The following PHC2 variants were observed in gnomAD, a reference collection of about 807,000 sequenced individuals.
PHC2 encodes polyhomeotic-like protein 2.
In PHC2, 29 loss-of-function variants were observed where a neutral mutation model predicts 87.4. The ratio of observed to expected loss-of-function variants is 0.33; its 90% CI spans 0.25 to 0.45. The LOEUF (loss-of-function observed/expected upper bound fraction) is 0.45, where lower values mean the gene tolerates loss of function less well. PHC2 is among the 20% of genes least tolerant of loss of function. The pLI, the probability that PHC2 is intolerant of heterozygous loss-of-function variation, is 1.00. For missense variants in PHC2, 857 were observed against 1,136.7 expected (o/e 0.75, Z 3.54); for synonymous variants, 438 against 461.7 (o/e 0.95, Z 0.66).
chr1:33,328,722 G>A, intron 14 of PHC2, 148 bp downstream of exon 14: 1 of 656,900 alleles, frequency 1.5e-6, no homozygotes, highest in Non-Finnish European at 2.6e-6. Context: ...GCTCTTATAG[G>A]CAGGGAGCTC....
At chr1:33,425,924 A>G (rs934853648) in intron 1 of PHC2, among the ~76,000 whole-genome samples, 35 of 152,224 alleles carry the variant, frequency 2.3e-4, no homozygotes, top group Non-Finnish European at 1.0e-4. Context: ...TGAGACAGGT[A>G]ATGGGAGGAG....
At chr1:33,424,417 C>T (rs753701983) in intron 1 of PHC2, among the ~76,000 whole-genome samples, 3 of 152,148 alleles carry the variant, frequency 2.0e-5, no homozygotes, top group African/African-American at 7.2e-5. Context: ...AAAATTCCTG[C>T]GAGGTTCTCT....
intron 1 of PHC2, among the ~76,000 whole-genome samples, chr1:33,376,959 T>G (rs1648216929): frequency 2.0e-5 from 3 of 152,194 alleles, no homozygotes; most frequent in East Asian, 1.9e-4. Context: ...AGTTTAGTTT[T>G]CAAAGCCAGA....
rs933441322 is a variant in PHC2 at position 33,341,529 on chromosome 1, G to A, written c.1559-7237C>T. Among the ~76,000 whole-genome samples, 7 of 152,298 alleles carry A rather than the reference G, an allele frequency of 4.6e-5. No homozygotes were observed. In the South Asian group the frequency reaches 6.2e-4, roughly 14 times the overall value. ...AGGATCCCTGAATCTAGTTAATCAG[G>A]ACGCACAAGCTGGATTCAATATCTG... On this transcript the variant is annotated intron_variant, in intron 9 of 14. Coordinates refer to ENST00000683057, the MANE Select transcript of PHC2 (RefSeq NM_001385109.1).
intron 9 of PHC2, chr1:33,347,662 C>G (rs531818610): frequency 2.0e-6 from 2 of 985,410 alleles, no homozygotes; most frequent in African/African-American, 3.5e-5. Context: ...GAAACTACCC[C>G]CTTTCTCAAG....
At chr1:33,413,528 C>T (rs1323242189) in intron 1 of PHC2, among the ~76,000 whole-genome samples, 1 of 152,178 alleles carries the variant, frequency 6.6e-6, no homozygotes, top group Non-Finnish European at 1.5e-5. Context: ...TATTCAGGCC[C>T]AGCTAGTAAA....
At chr1:33,407,777 A>C (rs1649822987) in intron 1 of PHC2, among the ~76,000 whole-genome samples, 1 of 152,232 alleles carries the variant, frequency 6.6e-6, no homozygotes, top group African/African-American at 2.4e-5. Context: ...TTTTATTTAA[A>C]AACAATTGCA....
intron 8 of PHC2, 22 bp from the exon 9 acceptor site, chr1:33,354,588 A>AG (rs1647033441): frequency 6.2e-7 from 1 of 1,601,792 alleles, no homozygotes; most frequent in Non-Finnish European, 8.5e-7. Flanking sequence ...CAGGACAGAG[A>AG]GGGGGGCCTC....
At chr1:33,426,883 T>C (rs966234451) in intron 1 of PHC2, among the ~76,000 whole-genome samples, 34 of 152,110 alleles carry the variant, frequency 2.2e-4, no homozygotes, top group Non-Finnish European at 1.9e-4. Flanking sequence ...TGGGGCCTGG[T>C]GCAAAATGAA....
intron 1 of PHC2, among the ~76,000 whole-genome samples, chr1:33,427,165 G>A (rs1273744665): frequency 1.3e-5 from 2 of 152,206 alleles, no homozygotes; most frequent in Non-Finnish European, 2.9e-5. Flanking sequence ...AAGAGGTTGT[G>A]TGGTTATAAT....
intron 9 of PHC2, among the ~76,000 whole-genome samples, chr1:33,351,094 G>C (rs1020734136): frequency 3.3e-5 from 5 of 152,182 alleles, no homozygotes; most frequent in Non-Finnish European, 7.3e-5. Context: ...AGGGACCAGA[G>C]AGTAAATATT....
intron 1 of PHC2, among the ~76,000 whole-genome samples, chr1:33,405,407 T>C (rs1356654329): frequency 6.6e-6 from 1 of 152,216 alleles, no homozygotes; most frequent in East Asian, 1.9e-4. Context: ...GCCAGGTAGG[T>C]CTTGAATTCC....
At position 33,349,604 on chromosome 1, in the gene PHC2, G is replaced by C. The variant is rs1313106249; in HGVS notation, c.1558+4797C>G. The stretch of plus-strand genomic sequence containing the variant: ...CCCCGCCCCGGCACTGACCTGTCCA[G>C]GGCCCGGCTGGGCCTGGCCGGGCGG... On this transcript the variant is annotated intron_variant, in intron 9 of 14. Coordinates refer to ENST00000683057, the MANE Select transcript of PHC2 (RefSeq NM_001385109.1). The surrounding 1 kb of genome is among the most constrained non-coding windows in gnomAD (Gnocchi z 4.2). 3.0e-6 allele frequency: 3 copies of C among 983,832 alleles called. No individual in the cohort carries two copies. In the East Asian group the frequency reaches 3.4e-4, roughly 113 times the overall value. 60.9% of individuals were successfully genotyped at this position (983,832 alleles called of 1,614,324 possible).
intron 9 of PHC2, chr1:33,346,359 T>C (rs1161186277): frequency 2.0e-6 from 2 of 985,322 alleles, no homozygotes; most frequent in East Asian, 1.1e-4. Context: ...GTCATCATCA[T>C]GATCATCTTT....
At chr1:33,416,020 A>T (rs1460210191) in intron 1 of PHC2, among the ~76,000 whole-genome samples, 1 of 152,204 alleles carries the variant, frequency 6.6e-6, no homozygotes, top group East Asian at 1.9e-4. Flanking sequence ...CCTGTGGGAC[A>T]ATATCAAGCA....
chr1:33,415,289 G>A (rs1259382578), intron 1 of PHC2, among the ~76,000 whole-genome samples: 3 of 152,218 alleles, frequency 2.0e-5, no homozygotes, highest in African/African-American at 7.2e-5. Context: ...ACTACTGGAA[G>A]GGAGCAGGCA....
At chr1:33,430,377 C>T (rs1557851921) in intron 1 of PHC2, among the ~76,000 whole-genome samples, 1 of 152,222 alleles carries the variant, frequency 6.6e-6, no homozygotes, top group Admixed American at 6.5e-5. Flanking sequence ...CAGCAACCCC[C>T]GGTTCCCTCT....
At chr1:33,361,086 A>G (rs1310014201) in intron 7 of PHC2, among the ~76,000 whole-genome samples, 1 of 152,246 alleles carries the variant, frequency 6.6e-6, no homozygotes, top group Non-Finnish European at 1.5e-5. Context: ...GGAAAAGGGC[A>G]TATGACAGGC....
chr1:33,407,982 AG>A (rs1275571177), intron 1 of PHC2, among the ~76,000 whole-genome samples: 1 of 152,162 alleles, frequency 6.6e-6, no homozygotes, highest in Non-Finnish European at 1.5e-5. Context: ...ACAAGGTGTG[AG>A]GGGGGAGAAA....
Sources: allele counts gnomAD v4.1 joint callset (sites outside exome capture counted in the v4.1 genomes callset), GRCh38; gene constraint gnomAD v4.1.1; non-coding constraint Gnocchi (gnomAD v3.1); transcripts MANE v1.5; gene names NCBI Gene and HGNC (gene_info 2026-07-23, HGNC 2026-07-21).